UNC5D: variants seen among roughly 807,000 people sequenced by gnomAD.
The protein encoded by UNC5D is unc-5 netrin receptor D.
In UNC5D, 39 loss-of-function variants were observed where a neutral mutation model predicts 105.4. That is an observed-to-expected ratio of 0.37 (90% CI 0.29 to 0.48). UNC5D has a LOEUF of 0.48. Ranked by LOEUF, UNC5D falls within the 20% of genes least tolerant of loss-of-function variation. The probability of loss-of-function intolerance (pLI) is 0.98; values close to 1 mark genes in which losing one functional copy is unlikely to be tolerated. For synonymous variants in UNC5D, 452 were observed against 450.4 expected (o/e 1.00, Z -0.04); for missense variants, 991 against 1,202.4 (o/e 0.82, Z 2.60).
chr8:35,576,582 A>T (rs376571108), intron 3 of UNC5D, among the ~76,000 whole-genome samples: 6 of 152,080 alleles, frequency 3.9e-5, no homozygotes, highest in African/African-American at 1.4e-4. Context: ...TAAGTAGGTG[A>T]GATATGGACT....
At chr8:35,488,788 G>A (rs146681352) in intron 1 of UNC5D, among the ~76,000 whole-genome samples, 92 of 152,274 alleles carry the variant, frequency 6.0e-4, no homozygotes, top group African/African-American at 2.2e-3. Context: ...TGGTTTCACA[G>A]ATTGGCGATG....
chr8:35,585,192 C>T (rs917906934), intron 3 of UNC5D, among the ~76,000 whole-genome samples: 9 of 152,116 alleles, frequency 5.9e-5, no homozygotes, highest in African/African-American at 1.9e-4. Context: ...TTATTGATAA[C>T]AGCAATTTAC....
intron 3 of UNC5D, among the ~76,000 whole-genome samples, chr8:35,571,753 T>C (rs1817739412): frequency 6.6e-6 from 1 of 152,228 alleles, no homozygotes; most frequent in Non-Finnish European, 1.5e-5. Flanking sequence ...CTAAATTGGA[T>C]ATAATTCACT....
intron 1 of UNC5D, among the ~76,000 whole-genome samples, chr8:35,505,542 T>C (rs1467312832): frequency 6.6e-6 from 1 of 151,716 alleles, no homozygotes; most frequent in East Asian, 1.9e-4. Context: ...CAAGATAGGA[T>C]TGGGAGGTTT....
intron 4 of UNC5D, among the ~76,000 whole-genome samples, chr8:35,631,131 G>A (rs1412797407): frequency 1.3e-5 from 2 of 152,060 alleles, no homozygotes; most frequent in Non-Finnish European, 2.9e-5. Flanking sequence ...TGGGCAACAC[G>A]GTGAAACCCC....
intron 12 of UNC5D, among the ~76,000 whole-genome samples, chr8:35,749,582 G>A (rs1830167483): frequency 6.6e-6 from 1 of 152,122 alleles, no homozygotes; most frequent in Non-Finnish European, 1.5e-5. Flanking sequence ...CTAGTGTCTT[G>A]AAACTATTTT....
At chr8:35,307,844 A>G (rs1303240617) in intron 1 of UNC5D, among the ~76,000 whole-genome samples, 1 of 152,126 alleles carries the variant, frequency 6.6e-6, no homozygotes, top group African/African-American at 2.4e-5. Flanking sequence ...TGTCAGAAGC[A>G]CAACATTGAT....
At chr8:35,625,185 G>T (rs187844110) in intron 4 of UNC5D, among the ~76,000 whole-genome samples, 16 of 152,188 alleles carry the variant, frequency 1.1e-4, no homozygotes, top group Non-Finnish European at 2.1e-4. Context: ...TGAGTGTTCT[G>T]CAGAGGTTGG....
intron 4 of UNC5D, among the ~76,000 whole-genome samples, chr8:35,649,578 G>A (rs1277751664): frequency 6.6e-6 from 1 of 152,116 alleles, no homozygotes; most frequent in Non-Finnish European, 1.5e-5. Flanking sequence ...TATGAAGATG[G>A]AAACATAATA....
At chr8:35,248,060 AAT>A (rs1303065296) in intron 1 of UNC5D, among the ~76,000 whole-genome samples, 1 of 67,520 alleles carries the variant, frequency 1.5e-5, no homozygotes, top group Non-Finnish European at 2.4e-5. Context: ...ATAATATATA[AAT>A]ATATATTATA....
In UNC5D at chr8:35,472,306, T is replaced by G. The variant is rs560726138; in HGVS notation, c.104-76986T>G. On this transcript the variant is annotated intron_variant, in intron 1 of 16. Coordinates refer to ENST00000404895, the MANE Select transcript of UNC5D (RefSeq NM_080872.4). ...TTTGGTGAGCATCAGTTTAGGAGAATAGGCCACAATAATGGTGTGATGAGT... is the reference window on the plus strand; with the variant it reads ...TTTGGTGAGCATCAGTTTAGGAGAAGAGGCCACAATAATGGTGTGATGAGT... Among the ~76,000 whole-genome samples, 5 of 152,116 alleles carry G rather than the reference T, an allele frequency of 3.3e-5. No homozygotes were observed. In the South Asian group the frequency reaches 8.3e-4, roughly 25 times the overall value.
chr8:35,392,224 G>T (rs974131744), intron 1 of UNC5D, among the ~76,000 whole-genome samples: 26 of 151,938 alleles, frequency 1.7e-4, no homozygotes, highest in Admixed American at 6.6e-5. Flanking sequence ...TCCACTTTTC[G>T]TTTGAGTCAG....
intron 1 of UNC5D, among the ~76,000 whole-genome samples, chr8:35,397,616 C>T (rs947218034): frequency 2.0e-5 from 3 of 152,138 alleles, no homozygotes; most frequent in Non-Finnish European, 4.4e-5. Context: ...GCTCTGTTCC[C>T]TCATCCCAGT....
chr8:35,291,262 C>T (rs560223405), intron 1 of UNC5D, among the ~76,000 whole-genome samples: 15 of 152,256 alleles, frequency 9.9e-5, no homozygotes, highest in African/African-American at 3.6e-4. Flanking sequence ...AAAGTTTACC[C>T]ATGCAAATGG....
chr8:35,638,928 G>A (rs1442376079), intron 4 of UNC5D, among the ~76,000 whole-genome samples: 1 of 152,194 alleles, frequency 6.6e-6, no homozygotes, highest in Admixed American at 6.5e-5. Context: ...AAAAGCAACT[G>A]AAGCCAAATA....
intron 1 of UNC5D, among the ~76,000 whole-genome samples, chr8:35,421,267 G>A (rs1805881371): frequency 6.6e-6 from 1 of 152,222 alleles, no homozygotes; most frequent in South Asian, 2.1e-4. Flanking sequence ...GGCATGGGCT[G>A]AGGTACAGGC....
intron 1 of UNC5D, among the ~76,000 whole-genome samples, chr8:35,426,969 T>C (rs1168800249): frequency 1.3e-5 from 2 of 152,190 alleles, no homozygotes; most frequent in African/African-American, 4.8e-5. Context: ...CTGGTACTAT[T>C]TACTGAATTT....
intron 1 of UNC5D, among the ~76,000 whole-genome samples, chr8:35,312,532 A>G (rs1427380581): frequency 6.6e-6 from 1 of 152,196 alleles, no homozygotes; most frequent in African/African-American, 2.4e-5. Context: ...TATGTGACTA[A>G]GAATTATTAG....
chr8:35,336,064 A>C (rs1287339551), intron 1 of UNC5D, among the ~76,000 whole-genome samples: 1 of 152,082 alleles, frequency 6.6e-6, no homozygotes, highest in Admixed American at 6.5e-5. Context: ...CGCCCGGCCG[A>C]GAGATTTCAA....
Sources: gnomAD v4.1 joint callset for allele counts (sites outside exome capture counted in the v4.1 genomes callset) on GRCh38, gnomAD v4.1.1 for gene constraint, MANE v1.5 for transcripts, NCBI Gene and HGNC (gene_info 2026-07-23, HGNC 2026-07-21) for gene names.